The following PARD3 variants were observed in gnomAD, a reference collection of about 807,000 sequenced individuals.
PARD3 encodes the protein partitioning defective 3 homolog.
A neutral mutation model predicts 155.4 loss-of-function variants in PARD3; 75 were observed. The observed-to-expected ratio is 0.48, with a 90% CI of 0.40 to 0.58. The LOEUF (loss-of-function observed/expected upper bound fraction) is 0.58, where lower values mean the gene tolerates loss of function less well. Ranked by LOEUF, PARD3 falls within the 20% of genes least tolerant of loss-of-function variation. The pLI is 0.00. For synonymous variants in PARD3, 576 were observed against 610.5 expected (o/e 0.94, Z 0.83); for missense variants, 1,642 against 1,721.7 (o/e 0.95, Z 0.82).
At chr10:34,353,233 G>A (rs1225605414) in intron 14 of PARD3, among the ~76,000 whole-genome samples, 1 of 152,224 alleles carries the variant, frequency 6.6e-6, no homozygotes, top group Non-Finnish European at 1.5e-5. Flanking sequence ...ACAGCTCATT[G>A]AGAACGGGCC....
intron 22 of PARD3, among the ~76,000 whole-genome samples, chr10:34,224,680 G>C (rs1952496959): frequency 6.6e-6 from 1 of 152,200 alleles, no homozygotes; most frequent in South Asian, 2.1e-4. Context: ...TCAATAGGGG[G>C]CCATGAAACC....
chr10:34,707,857 A>G (rs2094389765), intron 1 of PARD3, among the ~76,000 whole-genome samples: 1 of 152,098 alleles, frequency 6.6e-6, no homozygotes, highest in Admixed American at 6.6e-5. Flanking sequence ...CACTTCAAAC[A>G]TCCACCTCTC....
chr10:34,381,912 C>CAAAAAAAAAAAAAAAAAAAAAAAA (rs202053812), intron 9 of PARD3, among the ~76,000 whole-genome samples: 7 of 71,868 alleles, frequency 9.7e-5, no homozygotes, highest in Non-Finnish European at 1.4e-4. Context: ...GGCCCTGTCT[C>CAAAAAAAAAAAAAAAAAAAAAAAA]AAAAAAAAAA....
intron 5 of PARD3, among the ~76,000 whole-genome samples, chr10:34,438,040 C>T (rs2076276439): frequency 6.6e-6 from 1 of 152,182 alleles, no homozygotes; most frequent in Admixed American, 6.5e-5. Context: ...CCCTCACTCC[C>T]TCTACAAAGC....
chr10:34,256,748 A>G (rs971534204), intron 22 of PARD3, among the ~76,000 whole-genome samples: 2 of 152,166 alleles, frequency 1.3e-5, no homozygotes, highest in South Asian at 2.1e-4. Context: ...CAGTTTAAAA[A>G]TATCTGTCAG....
Position 34,337,329 on chromosome 10 carries a change from C to A in PARD3, c.2506G>T (p.Ala836Ser). ...SEKRTKQFSD[A>S]SQLDFVKTRK... ...GTTTTAACGAAATCCAATTGACTGG[C>A]ATCTGAAAATTGCTTTGTGCGTTTT... The change falls in exon 17 of 25, where the codon GCC becomes TCC. Residue 836 changes from alanine (A) to serine (S), a missense_variant. Physicochemically the swap from Ala to Ser is moderately conservative, Grantham distance 99. This residue lies in a region of PARD3 where 1,529 missense variants were observed against 1,587.3 expected (regional missense o/e 0.96). Coordinates refer to ENST00000374788, the MANE Select transcript of PARD3 (RefSeq NM_001184785.2). 2 of 1,601,928 alleles carry A rather than the reference C, an allele frequency of 1.2e-6. No individual in the cohort carries two copies. The highest frequency in any genetic ancestry group is 1.7e-6 in the Non-Finnish European group (2 of 1,174,274).
intron 22 of PARD3, among the ~76,000 whole-genome samples, chr10:34,227,544 A>G (rs556983842): frequency 1.2e-4 from 19 of 152,304 alleles, no homozygotes; most frequent in African/African-American, 4.6e-4. Flanking sequence ...AGGCTGAGGC[A>G]AGAGAAGCGC....
intron 4 of PARD3, among the ~76,000 whole-genome samples, chr10:34,453,911 T>A (rs939018482): frequency 1.3e-5 from 2 of 152,232 alleles, no homozygotes; most frequent in Non-Finnish European, 2.9e-5. Context: ...CAATTTTATA[T>A]TTGTGGAATC....
chr10:34,708,124 C>G (rs532617147), intron 1 of PARD3, among the ~76,000 whole-genome samples: 5 of 152,152 alleles, frequency 3.3e-5, no homozygotes, highest in Non-Finnish European at 7.4e-5. Context: ...AAAACATAGC[C>G]TCACTTCTTC....
chr10:34,371,493 A>C (rs1449585319), intron 12 of PARD3, among the ~76,000 whole-genome samples: 1 of 44,388 alleles, frequency 2.3e-5, no homozygotes, highest in African/African-American at 2.3e-4. Context: ...ACTCAAAAAA[A>C]AAAAAAAAAA....
intron 1 of PARD3, among the ~76,000 whole-genome samples, chr10:34,795,447 C>T (rs1047344385): frequency 1.4e-4 from 21 of 151,766 alleles, no homozygotes; most frequent in African/African-American, 5.1e-4. Flanking sequence ...CCTATCTCTA[C>T]ATAAATTCAA....
At chr10:34,773,146 T>C (rs1839107905) in intron 1 of PARD3, among the ~76,000 whole-genome samples, 1 of 152,218 alleles carries the variant, frequency 6.6e-6, no homozygotes, top group South Asian at 2.1e-4. Context: ...TTTACTTTGA[T>C]GAGGAATTTA....
chr10:34,411,996 T>A (rs936638487), intron 5 of PARD3, among the ~76,000 whole-genome samples: 1 of 151,364 alleles, frequency 6.6e-6, no homozygotes, highest in African/African-American at 2.4e-5. Context: ...AGGGTTTCAT[T>A]CTGTCACCTA....
At chr10:34,665,853 A>C (rs569094227) in intron 2 of PARD3, among the ~76,000 whole-genome samples, 5 of 133,084 alleles carry the variant, frequency 3.8e-5, no homozygotes, top group Admixed American at 3.7e-4. Flanking sequence ...AACAGAACAG[A>C]ACAGAACAGA....
At chr10:34,200,781 C>G (rs1347690617) in intron 22 of PARD3, among the ~76,000 whole-genome samples, 3 of 152,234 alleles carry the variant, frequency 2.0e-5, no homozygotes, top group Non-Finnish European at 4.4e-5. Flanking sequence ...CATTATGGAA[C>G]AAAAGCTCAC....
At chr10:34,282,399 A>G (rs1956201470) in intron 21 of PARD3, among the ~76,000 whole-genome samples, 1 of 152,190 alleles carries the variant, frequency 6.6e-6, no homozygotes, top group Admixed American at 6.5e-5. Context: ...GGAAATTAAA[A>G]GCAAAACTGA....
intron 3 of PARD3, among the ~76,000 whole-genome samples, chr10:34,516,099 G>A (rs1372483658): frequency 6.6e-6 from 1 of 151,940 alleles, no homozygotes; most frequent in Non-Finnish European, 1.5e-5. Context: ...CAAGTAGCTG[G>A]GATTACAGGC....
At chr10:34,123,142 TA>T (rs1342897939) in intron 23 of PARD3, among the ~76,000 whole-genome samples, 4 of 152,076 alleles carry the variant, frequency 2.6e-5, no homozygotes, top group Non-Finnish European at 4.4e-5. Context: ...ACCTTTTAAA[TA>T]AAAAAAAAAC....
intron 20 of PARD3, among the ~76,000 whole-genome samples, chr10:34,307,083 G>T (rs1036100961): frequency 1.3e-5 from 2 of 151,950 alleles, no homozygotes; most frequent in African/African-American, 4.8e-5. Flanking sequence ...GTAGAGACGG[G>T]GTTTCACCAT....
Sources: allele counts gnomAD v4.1 joint callset (sites outside exome capture counted in the v4.1 genomes callset), GRCh38; gene constraint gnomAD v4.1.1; regional missense constraint gnomAD v4.1.1; transcripts MANE v1.5; gene names NCBI Gene and HGNC (gene_info 2026-07-23, HGNC 2026-07-21).